The following PRDM1 variants were observed in gnomAD, a reference collection of about 807,000 sequenced individuals.
PRDM1 encodes PR/SET domain 1, also known as PR domain zinc finger protein 1.
PRDM1 carries 13 observed loss-of-function variants against 62.8 expected under a neutral mutation model. That is an observed-to-expected ratio of 0.21 (90% CI 0.13 to 0.33). PRDM1 has a LOEUF of 0.33. Ranked by LOEUF, PRDM1 falls within the 10% of genes least tolerant of loss-of-function variation. PRDM1 has a pLI of 1.00. For synonymous variants in PRDM1, 396 were observed against 417.6 expected, an observed-to-expected ratio of 0.95 and a Z score of 0.63; for missense variants, 895 against 1,058.8, an observed-to-expected ratio of 0.85 and a Z score of 2.15.
intron 3 of PRDM1, chr6:106,098,419 C>T (rs2114635588): frequency 1.0e-6 from 1 of 985,364 alleles, no homozygotes; most frequent in Non-Finnish European, 1.2e-6. Context: ...TAGTATTACT[C>T]TAGGACAAAC....
chr6:106,106,269 CT>C lies in PRDM1; in HGVS notation c.1774-98del. 2 of 1,484,234 alleles carry C rather than the reference CT, an allele frequency of 1.3e-6. No individual in the cohort carries two copies. Among genetic ancestry groups the C allele is most frequent in the Non-Finnish European group, 1.8e-6 (2 of 1,094,324 alleles). 91.9% of individuals were successfully genotyped at this position (1,484,234 alleles called of 1,614,324 possible). A position where few individuals can be genotyped will look rare whatever the true frequency, so the allele number is the denominator to read the frequency against. On this transcript the variant is annotated intron_variant, in intron 5 of 6. Coordinates refer to ENST00000369096, the MANE Select transcript of PRDM1 (RefSeq NM_001198.4). This position sits in a 1 kb window ranked among gnomAD's most constrained non-coding sequence, Gnocchi z 4.4. ...TCTTCTTTTTAAGACTGTCTTGATG[CT>C]TTTCTTAAGATATTTGCATCAACAC...
chr6:106,057,364 T>C (rs1315603616), intron 1 of PRDM1, among the ~76,000 whole-genome samples: 1 of 152,198 alleles, frequency 6.6e-6, no homozygotes, highest in Non-Finnish European at 1.5e-5. Flanking sequence ...TATATAGAAA[T>C]GTGAAAAGAA....
intron 1 of PRDM1, among the ~76,000 whole-genome samples, chr6:106,080,467 A>G (rs1773677882): frequency 6.6e-6 from 1 of 152,150 alleles, no homozygotes. Flanking sequence ...GGAAGAAAGG[A>G]GAAGGAGAAG....
rs1361547858 is a variant in PRDM1 at position 106,105,425 on chromosome 6, G to A, written c.1265G>A (p.Cys422Tyr). The A allele has an allele frequency of 6.2e-7, 1 of 1,614,146 alleles. No individual in the cohort carries two copies. The highest frequency in any genetic ancestry group is 1.1e-5 in the South Asian group (1 of 91,084). The change falls in exon 5 of 7, where the codon TGT (cysteine) becomes TAT (tyrosine). Residue 422 changes from cysteine (C) to tyrosine (Y), a missense_variant. Coordinates refer to ENST00000369096, the MANE Select transcript of PRDM1 (RefSeq NM_001198.4). ...KFLLPPYGMN[C>Y]NGLSAVSSMN... ...CTCTTGCCCCCCTACGGCATGAATT[G>A]TAATGGCCTGAGCGCTGTGAGCAGC...
chr6:106,071,703 G>T (rs907835348), intron 1 of PRDM1, among the ~76,000 whole-genome samples: 3 of 151,654 alleles, frequency 2.0e-5, no homozygotes, highest in African/African-American at 7.3e-5. Context: ...GAGGTGGATT[G>T]TCTGTTATGT....
Position 106,004,472 on chromosome 6 carries a change from G to A in PRDM1, c.-67+10833G>A, listed in dbSNP as rs112538757. On this transcript the variant is annotated intron_variant, in intron 1 of 6. Coordinates refer to the PRDM1 transcript ENST00000652320. ...GTGGCACCAAAGATAAGCATAACCT[G>A]AGTGACTTCTTGACCCTTTGCAAAT... 2.8e-3 allele frequency among the ~76,000 whole-genome samples: 432 copies of A among 152,286 alleles called. 2 individuals carry two copies. Among genetic ancestry groups the A allele is most frequent in the Non-Finnish European group, 4.2e-3 (286 of 68,026 alleles).
chr6:106,100,991 A>T (rs1011969473), intron 4 of PRDM1, among the ~76,000 whole-genome samples: 16 of 152,022 alleles, frequency 1.1e-4, no homozygotes, highest in African/African-American at 3.9e-4. Context: ...GCCTCCCAGG[A>T]ACCATTCGGC....
At position 106,106,899 on chromosome 6, in the gene PRDM1, C is replaced by T. The variant is rs753941894; in HGVS notation, c.1903-12C>T. The T allele has an allele frequency of 5.0e-6, 8 of 1,607,012 alleles. No individual in the cohort carries two copies. Among genetic ancestry groups the T allele is most frequent in the East Asian group, 4.5e-5 (2 of 44,792 alleles). On this transcript the variant is annotated splice_polypyrimidine_tract_variant and intron_variant, in intron 6 of 6. Transcript: ENST00000369096. This position sits in a 1 kb window ranked among gnomAD's most constrained non-coding sequence, Gnocchi z 4.4. ...TCTCCCTTCCCTGCTGTCTCTCTCC[C>T]CTACACTGTAGGTCTGCCACAAGAG...
upstream of PRDM1, among the ~76,000 whole-genome samples, chr6:105,992,855 G>A (rs1772296417): frequency 6.6e-6 from 1 of 152,226 alleles, no homozygotes; most frequent in Non-Finnish European, 1.5e-5. Context: ...TACTAGGTAG[G>A]CGGGAAAGAG....
chr6:106,065,922 A>G (rs915990064), intron 1 of PRDM1, among the ~76,000 whole-genome samples: 3 of 152,234 alleles, frequency 2.0e-5, no homozygotes, highest in Admixed American at 6.5e-5. Context: ...TATGGTTTAC[A>G]TACAGTAATT....
intron 1 of PRDM1, among the ~76,000 whole-genome samples, chr6:105,997,470 A>T (rs1450669560): frequency 6.6e-6 from 1 of 152,180 alleles, no homozygotes. Context: ...TCCTTTCTTT[A>T]AAAAAATTGT....
At chr6:106,000,769 A>G (rs111813162) in intron 1 of PRDM1, among the ~76,000 whole-genome samples, 8 of 152,224 alleles carry the variant, frequency 5.3e-5, no homozygotes, top group Non-Finnish European at 8.8e-5. Context: ...AGTACTGTAG[A>G]AGTTAATGGA....
intron 1 of PRDM1, among the ~76,000 whole-genome samples, chr6:106,043,053 G>A (rs1489911965): frequency 6.6e-6 from 1 of 152,130 alleles, no homozygotes; most frequent in African/African-American, 2.4e-5. Context: ...GTTTCACCAT[G>A]TTGGCCAGGC....
intron 4 of PRDM1, 131 bp from the exon 5 acceptor site, chr6:106,104,694 G>T (rs776159094): frequency 8.3e-7 from 1 of 1,201,430 alleles, no homozygotes; most frequent in Non-Finnish European, 1.2e-6. Context: ...AGAGTGCGTT[G>T]GAAGCCAGAT....
chr6:105,995,378 G>A (rs1460832177), intron 1 of PRDM1, among the ~76,000 whole-genome samples: 1 of 152,114 alleles, frequency 6.6e-6, no homozygotes, highest in Non-Finnish European at 1.5e-5. Context: ...GTTTTTTAAA[G>A]TTTTAAATAT....
chr6:106,105,628 C>T lies in PRDM1; in HGVS notation c.1468C>T (p.Pro490Ser), dbSNP rs1774455364. 4.3e-6 allele frequency: 7 copies of T among 1,613,228 alleles called. No individual in the cohort carries two copies. The highest frequency in any genetic ancestry group is 5.9e-6 in the Non-Finnish European group (7 of 1,179,496). The change falls in exon 5 of 7, where the codon CCG (proline) becomes TCG (serine). Residue 490 changes from proline to serine, a missense_variant. Coordinates refer to ENST00000369096, the MANE Select transcript of PRDM1 (RefSeq NM_001198.4). ...QPEHPREVLV[P>S]APHSAFSFTG... ...GGAGCATCCCAGGGAGGTGCTTGTC[C>T]CGGCGCCCCACAGTGCCTTCTCCTT...
chr6:106,003,849 A>T (rs748698897), intron 1 of PRDM1, among the ~76,000 whole-genome samples: 92 of 152,194 alleles, frequency 6.0e-4, no homozygotes, highest in Non-Finnish European at 4.4e-5. Flanking sequence ...CTCAAGGCAG[A>T]ACAGCTTTGT....
intron 1 of PRDM1, among the ~76,000 whole-genome samples, chr6:106,057,607 A>G (rs1773285112): frequency 6.6e-6 from 1 of 152,166 alleles, no homozygotes; most frequent in Non-Finnish European, 1.5e-5. Context: ...CTTCTCAGTA[A>G]ATCAACCTTA....
At chr6:106,035,622 G>A (rs959180399) in intron 1 of PRDM1, among the ~76,000 whole-genome samples, 1 of 151,936 alleles carries the variant, frequency 6.6e-6, no homozygotes, top group Non-Finnish European at 1.5e-5. Context: ...GAGAGAGAGA[G>A]ACCCTGTCTC....
Sources: allele counts gnomAD v4.1 joint callset (sites outside exome capture counted in the v4.1 genomes callset), GRCh38; gene constraint gnomAD v4.1.1; non-coding constraint Gnocchi (gnomAD v3.1); transcripts MANE v1.5; gene names NCBI Gene and HGNC (gene_info 2026-07-23, HGNC 2026-07-21).